The following DACH2 variants were observed in gnomAD, a reference collection of about 807,000 sequenced individuals.
DACH2 encodes dachshund family transcription factor 2, also known as dachshund homolog 2.
Under a neutral mutation model 35.8 loss-of-function variants are expected in DACH2, and 17 were observed. That is an observed-to-expected ratio of 0.48 (90% confidence interval 0.33 to 0.71). The LOEUF is 0.71. Ranked by LOEUF, DACH2 falls within the 30% of genes least tolerant of loss-of-function variation. The pLI is 0.02. For missense variants in DACH2, 469 were observed against 472.7 expected (o/e 0.99, Z 0.07); for synonymous variants, 195 against 177.3 (o/e 1.10, Z -0.79).
chrX:86,248,795 T>C (rs1302095671), intron 1 of DACH2, among the ~76,000 whole-genome samples: 1 of 111,120 alleles, frequency 9.0e-6, no homozygotes, highest in African/African-American at 3.3e-5. Context: ...CTTCAGACTA[T>C]ACTACAAGGC....
At chrX:86,289,370 T>C (rs2034222214) in intron 1 of DACH2, among the ~76,000 whole-genome samples, 1 of 107,399 alleles carries the variant, frequency 9.3e-6, no homozygotes, top group African/African-American at 3.4e-5. Flanking sequence ...GATGTAAGCA[T>C]TCCCTTAGCT....
intron 2 of DACH2, among the ~76,000 whole-genome samples, chrX:86,430,229 A>G (rs915656798): frequency 8.9e-6 from 1 of 112,427 alleles, no homozygotes; most frequent in East Asian, 2.8e-4. Context: ...GGTATTTAAC[A>G]TGATAGGCAC....
chrX:86,580,937 G>A (rs1263439651), intron 3 of DACH2, among the ~76,000 whole-genome samples: 1 of 111,343 alleles, frequency 9.0e-6, no homozygotes, highest in Non-Finnish European at 1.9e-5. Flanking sequence ...ACATAGTTAT[G>A]AAATTCTCCA....
intron 1 of DACH2, among the ~76,000 whole-genome samples, chrX:86,338,780 C>G (rs935244878): frequency 2.7e-5 from 3 of 111,353 alleles, no homozygotes; most frequent in Non-Finnish European, 5.7e-5. Context: ...AATCCAGGAG[C>G]TGGTTTTTTG....
intron 3 of DACH2, among the ~76,000 whole-genome samples, chrX:86,632,810 C>G (rs911339147): frequency 2.7e-5 from 3 of 110,431 alleles, no homozygotes; most frequent in African/African-American, 9.9e-5. Context: ...TATACATATA[C>G]CTGGAAATTA....
intron 3 of DACH2, among the ~76,000 whole-genome samples, chrX:86,620,526 G>A (rs1430894482): frequency 9.0e-6 from 1 of 111,213 alleles, no homozygotes; most frequent in Non-Finnish European, 1.9e-5. Flanking sequence ...CTAACATATT[G>A]GTCCATTTTC....
chrX:86,604,541 T>A (rs1156760402), intron 3 of DACH2, among the ~76,000 whole-genome samples: 1 of 112,055 alleles, frequency 8.9e-6, no homozygotes, highest in East Asian at 2.8e-4. Flanking sequence ...TTAGAAGACA[T>A]GTATTTTATA....
At chrX:86,375,099 T>C (rs756612891) in intron 1 of DACH2, among the ~76,000 whole-genome samples, 2 of 108,769 alleles carry the variant, frequency 1.8e-5, no homozygotes, top group Non-Finnish European at 3.8e-5. Flanking sequence ...ATTCCTTACA[T>C]TGGACAAGAT....
intron 2 of DACH2, among the ~76,000 whole-genome samples, chrX:86,437,434 C>T (rs1046937725): frequency 9.0e-5 from 10 of 111,589 alleles, no homozygotes; most frequent in African/African-American, 3.3e-4. Context: ...TCCATTCCTC[C>T]TACCCACCCA....
intron 1 of DACH2, among the ~76,000 whole-genome samples, chrX:86,284,271 C>T (rs992316197): frequency 4.5e-5 from 5 of 111,235 alleles, no homozygotes; most frequent in Non-Finnish European, 9.4e-5. Flanking sequence ...CTTTCTATCC[C>T]CAGATTTTTA....
intron 11 of DACH2, among the ~76,000 whole-genome samples, chrX:86,823,957 A>C (rs1005997023): frequency 8.9e-5 from 10 of 111,923 alleles, no homozygotes; most frequent in African/African-American, 2.9e-4. Flanking sequence ...CCCAACAAAC[A>C]TCACAAGGCA....
intron 2 of DACH2, among the ~76,000 whole-genome samples, chrX:86,444,727 C>CA (rs1165423723): frequency 9.1e-6 from 1 of 110,222 alleles, no homozygotes. Flanking sequence ...TTCATAATAC[C>CA]AATTATACAT....
chrX:86,275,892 C>T (rs1304630363), intron 1 of DACH2, among the ~76,000 whole-genome samples: 3 of 112,282 alleles, frequency 2.7e-5, no homozygotes, highest in East Asian at 2.8e-4. Context: ...ATCTCTCATT[C>T]GTTTTTATTG....
chrX:86,742,660 A>G lies in DACH2; in HGVS notation c.1240+2778A>G, dbSNP rs1302497716. 3.6e-5 allele frequency: 11 copies of G among 303,513 alleles called. No individual in the cohort carries two copies. The Admixed American group carries it at 3.8e-4, about 11-fold the overall frequency. 25.0% of individuals were successfully genotyped at this position (303,513 alleles called of 1,213,427 possible). A position where few individuals can be genotyped will look rare whatever the true frequency, so the allele number is the denominator to read the frequency against. On this transcript the variant is annotated intron_variant, in intron 7 of 11. Transcript: ENST00000373125. ...ATTTATAGTTATGATGCCCAACAAT[A>G]GAGAGGAACTTATTGTTGATCAAGA...
intron 2 of DACH2, among the ~76,000 whole-genome samples, chrX:86,429,688 G>A (rs2036954992): frequency 9.1e-6 from 1 of 109,984 alleles, no homozygotes; most frequent in Non-Finnish European, 1.9e-5. Context: ...AGCCTCCCGA[G>A]TAGCTGGGAT....
intron 4 of DACH2, among the ~76,000 whole-genome samples, chrX:86,656,095 C>G (rs2040537272): frequency 9.9e-6 from 1 of 100,759 alleles, no homozygotes; most frequent in Non-Finnish European, 2.0e-5. Context: ...TAAAATAAAA[C>G]AAGCCTTCAA....
intron 1 of DACH2, among the ~76,000 whole-genome samples, chrX:86,338,447 C>A (rs1030433652): frequency 5.4e-5 from 6 of 111,808 alleles, no homozygotes; most frequent in Non-Finnish European, 9.4e-5. Flanking sequence ...ACTGATTGAA[C>A]AACCTGCTCC....
intron 2 of DACH2, among the ~76,000 whole-genome samples, chrX:86,475,966 G>A (rs190779771): frequency 3.6e-5 from 4 of 112,058 alleles, no homozygotes; most frequent in African/African-American, 1.3e-4. Flanking sequence ...CTGTTGATAC[G>A]ATGTACCACA....
intron 2 of DACH2, among the ~76,000 whole-genome samples, chrX:86,409,828 G>C (rs1048364817): frequency 1.8e-5 from 2 of 112,281 alleles, no homozygotes; most frequent in Non-Finnish European, 3.8e-5. Context: ...TTAATCTAAA[G>C]CCCATTTCAA....
Sources: gnomAD v4.1 joint callset for allele counts (sites outside exome capture counted in the v4.1 genomes callset) on GRCh38, gnomAD v4.1.1 for gene constraint, MANE v1.5 for transcripts, NCBI Gene and HGNC (gene_info 2026-07-23, HGNC 2026-07-21) for gene names.